RBFOX1: variants seen among roughly 807,000 people sequenced by gnomAD.
RBFOX1 encodes RNA binding fox-1 homolog 1, also known as RNA binding protein fox-1 homolog 1.
RBFOX1 carries 8 observed loss-of-function variants against 57.7 expected under a neutral mutation model. The observed-to-expected ratio is 0.14, with a 90% CI of 0.08 to 0.25. The LOEUF is 0.25. Ranked by LOEUF, RBFOX1 falls within the 10% of genes least tolerant of loss-of-function variation. The probability of loss-of-function intolerance (pLI) is 1.00; values close to 1 mark genes in which losing one functional copy is unlikely to be tolerated. For missense variants in RBFOX1, 611 were observed against 548.5 expected, an observed-to-expected ratio of 1.11 and a Z score of -1.14; for synonymous variants, 326 against 222.4, an observed-to-expected ratio of 1.47 and a Z score of -4.15.
chr16:7,199,957 A>G (rs1309620914), intron 4 of RBFOX1, among the ~76,000 whole-genome samples: 1 of 152,170 alleles, frequency 6.6e-6, no homozygotes, highest in East Asian at 1.9e-4. Flanking sequence ...AGAACAAACA[A>G]CGTGTTGGGG....
At chr16:7,668,874 G>C (rs1347429024) in intron 13 of RBFOX1, among the ~76,000 whole-genome samples, 1 of 152,156 alleles carries the variant, frequency 6.6e-6, no homozygotes, top group African/African-American at 2.4e-5. Context: ...AAGGTTCTTA[G>C]ATCTACAGAG....
At chr16:6,934,117 A>G (rs2076994516) in intron 3 of RBFOX1, among the ~76,000 whole-genome samples, 2 of 152,192 alleles carry the variant, frequency 1.3e-5, no homozygotes, top group East Asian at 3.9e-4. Context: ...CTCCTCTGCC[A>G]CCCATAGTGA....
At position 6,919,786 on chromosome 16, in the gene RBFOX1, T is replaced by TTTTC. The variant is rs59628761; in HGVS notation, c.-15-132271_-15-132270insTTTC. On this transcript the variant is annotated intron_variant, in intron 3 of 15. Coordinates refer to ENST00000550418, the MANE Select transcript of RBFOX1 (RefSeq NM_018723.4). ...AGATCATTCTTTTTTTTTTTTTTTT[T>TTTTC]CATTATTATTATTTCAATAGTTCTG... is the stretch of plus-strand genomic sequence containing the variant. Among the ~76,000 whole-genome samples the TTTTC allele has an allele frequency of 2.7e-5, 4 of 146,438 alleles. No individual in the cohort carries two copies. The South Asian group carries it at 8.5e-4, about 31-fold the overall frequency.
chr16:6,424,620 C>CGTGTGTGTGTGTGTCTGT (rs143990992), intron 2 of RBFOX1, among the ~76,000 whole-genome samples: 1 of 150,592 alleles, frequency 6.6e-6, no homozygotes, highest in Non-Finnish European at 1.5e-5. Context: ...TGTGTGTGTG[C>CGTGTGTGTGTGTGTCTGT]GTGTGTGTGA....
chr16:7,171,052 T>A (rs1002469590), intron 4 of RBFOX1, among the ~76,000 whole-genome samples: 2 of 152,218 alleles, frequency 1.3e-5, no homozygotes, highest in Non-Finnish European at 2.9e-5. Flanking sequence ...CATTTCCATT[T>A]GTCTGAATCT....
At chr16:6,789,241 A>T (rs1158640600) in intron 3 of RBFOX1, among the ~76,000 whole-genome samples, 4 of 152,130 alleles carry the variant, frequency 2.6e-5, no homozygotes, top group Non-Finnish European at 5.9e-5. Flanking sequence ...TCATTGTATC[A>T]TTTCCCAAGC....
chr16:5,593,442 TAACA>T, intron 2 of RBFOX1, among the ~76,000 whole-genome samples: 1 of 152,216 alleles, frequency 6.6e-6, no homozygotes, highest in East Asian at 1.9e-4. Context: ...TATACCTATG[TAACA>T]AACCTGCACT....
chr16:5,678,501 T>C (rs558552448), intron 3 of RBFOX1, among the ~76,000 whole-genome samples: 31 of 152,298 alleles, frequency 2.0e-4, no homozygotes, highest in African/African-American at 7.0e-4. Flanking sequence ...AAGGTCTTCA[T>C]GATGATCTTT....
At chr16:5,577,497 C>CT (rs2046504094) in intron 2 of RBFOX1, among the ~76,000 whole-genome samples, 1 of 152,190 alleles carries the variant, frequency 6.6e-6, no homozygotes, top group South Asian at 2.1e-4. Context: ...TTTCCTCCCC[C>CT]TACTCATCCT....
At chr16:5,268,908 A>AT (rs2062930624) in intron 1 of RBFOX1, among the ~76,000 whole-genome samples, 1 of 140,400 alleles carries the variant, frequency 7.1e-6, no homozygotes, top group African/African-American at 2.5e-5. Context: ...AACACTTGTT[A>AT]TTTTCTCTAT....
chr16:6,859,518 A>G (rs1433957288), intron 3 of RBFOX1, among the ~76,000 whole-genome samples: 1 of 151,954 alleles, frequency 6.6e-6, no homozygotes, highest in South Asian at 2.1e-4. Flanking sequence ...TGGACCTGCA[A>G]ATTTCCCAAA....
rs1599477217 is a variant in RBFOX1 at position 6,547,393 on chromosome 16, T to C, written c.-63-107210T>C. On this transcript the variant is annotated intron_variant, in intron 2 of 15. Coordinates refer to ENST00000550418, the MANE Select transcript of RBFOX1 (RefSeq NM_018723.4). Reference sequence around the variant, plus strand: ...TGAGGATAATTAACTAAGAAACTGGTAATAAATTACTGATAATGATCAGTT... The same window carrying C: ...TGAGGATAATTAACTAAGAAACTGGCAATAAATTACTGATAATGATCAGTT... Among the ~76,000 whole-genome samples the C allele has an allele frequency of 1.3e-5, 2 of 152,218 alleles. 1 individual carries two copies. Among genetic ancestry groups the C allele is most frequent in the South Asian group, 4.1e-4 (2 of 4,836 alleles).
chr16:6,384,468 A>G (rs2092099261), intron 2 of RBFOX1, among the ~76,000 whole-genome samples: 1 of 152,134 alleles, frequency 6.6e-6, no homozygotes, highest in Non-Finnish European at 1.5e-5. Context: ...TCCCTCCCAG[A>G]AGGCTTAAAC....
intron 3 of RBFOX1, among the ~76,000 whole-genome samples, chr16:6,756,112 G>A (rs902793117): frequency 6.6e-6 from 1 of 152,120 alleles, no homozygotes; most frequent in Non-Finnish European, 1.5e-5. Context: ...GTCATTCATA[G>A]TAGAAACCTT....
intron 3 of RBFOX1, among the ~76,000 whole-genome samples, chr16:5,825,161 G>A (rs181203181): frequency 2.0e-5 from 3 of 152,224 alleles, no homozygotes; most frequent in Non-Finnish European, 4.4e-5. Context: ...CCAGGTTTAA[G>A]TCCCAGCTCG....
rs1198963811 is a variant in RBFOX1 at position 7,476,580 on chromosome 16, C to T, written c.28-41567C>T. On this transcript the variant is annotated intron_variant, in intron 4 of 15. Coordinates refer to ENST00000550418, the MANE Select transcript of RBFOX1 (RefSeq NM_018723.4). ...TCAGCTCTTCTGCAGACGTAGGGGG[C>T]TAAATGAGTAACATTCTGAAATGAA... Among the ~76,000 whole-genome samples, 4 of 152,158 alleles carry T rather than the reference C, an allele frequency of 2.6e-5. No individual in the cohort carries two copies. In the East Asian group the frequency reaches 7.7e-4, roughly 29 times the overall value.
intron 2 of RBFOX1, among the ~76,000 whole-genome samples, chr16:6,521,243 C>A (rs889010735): frequency 6.6e-6 from 1 of 152,076 alleles, no homozygotes; most frequent in Non-Finnish European, 1.5e-5. Flanking sequence ...GGCTGTGCTA[C>A]TGTTGCTCAT....
intron 4 of RBFOX1, among the ~76,000 whole-genome samples, chr16:7,272,115 C>T (rs1437465379): frequency 2.6e-5 from 4 of 152,186 alleles, no homozygotes; most frequent in Non-Finnish European, 4.4e-5. Flanking sequence ...CCAAATGCTC[C>T]TGAAAACTTG....
chr16:5,965,005 C>G (rs2059816573), intron 4 of RBFOX1, among the ~76,000 whole-genome samples: 1 of 152,014 alleles, frequency 6.6e-6, no homozygotes, highest in Non-Finnish European at 1.5e-5. Flanking sequence ...TTCTGGAGGA[C>G]ATTATGCTAG....
Sources: allele counts gnomAD v4.1 joint callset (sites outside exome capture counted in the v4.1 genomes callset), GRCh38; gene constraint gnomAD v4.1.1; transcripts MANE v1.5; gene names NCBI Gene and HGNC (gene_info 2026-07-23, HGNC 2026-07-21).